TNR: variants seen among roughly 807,000 people sequenced by gnomAD.
TNR encodes tenascin R, also known as tenascin-R.
A neutral mutation model predicts 150.4 loss-of-function variants in TNR; 45 were observed. The observed-to-expected ratio is 0.30, with a 90% confidence interval of 0.24 to 0.38. The LOEUF (loss-of-function observed/expected upper bound fraction) is 0.38. Among genes scored for constraint, TNR ranks in the 10% least tolerant of loss-of-function variants. The pLI is 1.00. For synonymous variants in TNR, 687 were observed against 678.4 expected, an observed-to-expected ratio of 1.01 and a Z score of -0.20; for missense variants, 1,544 against 1,759.1, an observed-to-expected ratio of 0.88 and a Z score of 2.19.
chr1:175,356,882 G>A (rs1407554615), intron 15 of TNR, among the ~76,000 whole-genome samples: 1 of 152,124 alleles, frequency 6.6e-6, no homozygotes, highest in East Asian at 1.9e-4. Context: ...CTCTGAACAC[G>A]TAACAGTTTA....
intron 9 of TNR, among the ~76,000 whole-genome samples, chr1:175,378,519 G>A (rs1279398128): frequency 2.6e-5 from 4 of 152,212 alleles, no homozygotes; most frequent in Admixed American, 2.0e-4. Flanking sequence ...CAGAATGAAT[G>A]GAACTCTCTC....
chr1:175,472,767 G>A (rs1269488416), intron 2 of TNR, among the ~76,000 whole-genome samples: 1 of 152,188 alleles, frequency 6.6e-6, no homozygotes, highest in Non-Finnish European at 1.5e-5. Context: ...AGGGTATGTA[G>A]TCATCTGGGT....
chr1:175,459,316 A>G (rs900515977), intron 2 of TNR, among the ~76,000 whole-genome samples: 2 of 152,102 alleles, frequency 1.3e-5, no homozygotes, highest in Non-Finnish European at 2.9e-5. Flanking sequence ...CGTCATCATT[A>G]CCTCCAAGAT....
chr1:175,323,170 G>C lies in TNR; in HGVS notation c.*187C>G, dbSNP rs1223755848. 4.6e-6 allele frequency: 3 copies of C among 652,714 alleles called. 1 individual carries two copies. The African/African-American group carries it at 5.6e-5, about 12-fold the overall frequency. 40.4% of individuals were successfully genotyped at this position (652,714 alleles called of 1,614,324 possible). ...GGTAGGAGGGAGAATGGAGACTGAG[G>C]GTCAGGCTCCAGGGCAGCAGAAACC... is the stretch of plus-strand genomic sequence containing the variant. On this transcript the variant is annotated 3_prime_UTR_variant, in exon 23 of 23. Coordinates refer to ENST00000367674, the MANE Select transcript of TNR (RefSeq NM_003285.3).
At chr1:175,632,856 A>T in intron 1 of TNR, among the ~76,000 whole-genome samples, 1 of 152,298 alleles carries the variant, frequency 6.6e-6, no homozygotes, top group South Asian at 2.1e-4. Flanking sequence ...TCAAATCCAG[A>T]ACCTCAACAT....
chr1:175,652,655 C>T (rs2146661), intron 1 of TNR, among the ~76,000 whole-genome samples: 85,546 of 151,708 alleles, frequency 0.56, 24,360 homozygotes, highest in South Asian at 0.65. Flanking sequence ...TAGCTCTCTC[C>T]CTCCTGCTCT....
intron 1 of TNR, among the ~76,000 whole-genome samples, chr1:175,621,988 T>C (rs1343514839): frequency 1.3e-5 from 2 of 152,208 alleles, no homozygotes; most frequent in East Asian, 3.8e-4. Flanking sequence ...TTCCGTCTCT[T>C]TGAAAGAGGG....
At chr1:175,514,149 A>G (rs1264659387) in intron 2 of TNR, among the ~76,000 whole-genome samples, 1 of 152,232 alleles carries the variant, frequency 6.6e-6, no homozygotes. Context: ...ACCTTAAAAT[A>G]GGGAGATTAA....
chr1:175,427,889 GCTTCCTTCCTTCCTTCCTTC>G (rs71129510), intron 2 of TNR, among the ~76,000 whole-genome samples: 6,244 of 111,528 alleles, frequency 0.056, 296 homozygotes, highest in African/African-American at 0.14. Flanking sequence ...TCCCTTCTTC[GCTTCCTTCCTTCCTTCCTTC>G]CTTCCTTCCT....
chr1:175,698,370 C>T (rs111716562), intron 1 of TNR, among the ~76,000 whole-genome samples: 13 of 152,164 alleles, frequency 8.5e-5, no homozygotes, highest in East Asian at 7.7e-4. Context: ...GTGAAGGAAC[C>T]GAGGAATTCA....
chr1:175,369,674 G>A (rs1037859035), intron 9 of TNR, among the ~76,000 whole-genome samples: 6 of 151,996 alleles, frequency 3.9e-5, no homozygotes, highest in East Asian at 1.9e-4. Flanking sequence ...ATGCCCCCCC[G>A]GATTCTGGTC....
chr1:175,620,973 C>T (rs1396705186), intron 1 of TNR, among the ~76,000 whole-genome samples: 1 of 152,204 alleles, frequency 6.6e-6, no homozygotes, highest in Non-Finnish European at 1.5e-5. Flanking sequence ...GCTGAGAGCA[C>T]TCTGAATGCC....
At chr1:175,564,239 C>T (rs969052997) in intron 1 of TNR, among the ~76,000 whole-genome samples, 9 of 152,104 alleles carry the variant, frequency 5.9e-5, no homozygotes, top group African/African-American at 2.2e-4. Context: ...GGCCCTGGGG[C>T]CTCCCTCCTG....
intron 1 of TNR, among the ~76,000 whole-genome samples, chr1:175,587,202 A>G (rs1050987949): frequency 1.3e-5 from 2 of 152,224 alleles, no homozygotes; most frequent in South Asian, 2.1e-4. Context: ...ACTTCAGTTC[A>G]TAACAGTTGC....
intron 13 of TNR, 141 bp downstream of exon 13, chr1:175,363,556 GGCTGCTCACCA>G: frequency 1.0e-6 from 1 of 999,500 alleles, no homozygotes; most frequent in South Asian, 1.9e-5. Context: ...GGGGTTTCTT[GGCTGCTCACCA>G]GCCCACTCTC....
intron 2 of TNR, among the ~76,000 whole-genome samples, chr1:175,513,585 T>C (rs1249387161): frequency 6.6e-6 from 1 of 152,180 alleles, no homozygotes; most frequent in Non-Finnish European, 1.5e-5. Context: ...TTCAATGTTA[T>C]AGGTGCAGGC....
chr1:175,610,305 C>T (rs576068391), intron 1 of TNR, among the ~76,000 whole-genome samples: 2 of 152,326 alleles, frequency 1.3e-5, no homozygotes, highest in East Asian at 3.9e-4. Context: ...CACTGTTACC[C>T]TGTGACTTAG....
intron 2 of TNR, among the ~76,000 whole-genome samples, chr1:175,462,479 C>T (rs1656863699): frequency 6.6e-6 from 1 of 152,200 alleles, no homozygotes; most frequent in African/African-American, 2.4e-5. Flanking sequence ...ATGTGCCCGT[C>T]CACAGAAGCC....
At chr1:175,356,825 C>T (rs1651353577) in intron 15 of TNR, among the ~76,000 whole-genome samples, 1 of 152,198 alleles carries the variant, frequency 6.6e-6, no homozygotes. Context: ...CACTTCCCAT[C>T]ACATTTATGT....
Sources: allele counts gnomAD v4.1 joint callset (sites outside exome capture counted in the v4.1 genomes callset), GRCh38; gene constraint gnomAD v4.1.1; transcripts MANE v1.5; gene names NCBI Gene and HGNC (gene_info 2026-07-23, HGNC 2026-07-21).